Variants in DST observed in about 807,000 individuals in gnomAD.
DST encodes the protein bullous pemphigoid antigen.
A neutral mutation model predicts 875.2 loss-of-function variants in DST; 253 were observed. The observed-to-expected ratio is 0.29, with a 90% confidence interval of 0.26 to 0.32. DST has a LOEUF of 0.32. DST is among the 10% of genes least tolerant of loss of function. The pLI, the probability that DST is intolerant of heterozygous loss-of-function variation, is 1.00. For missense variants in DST, 8,287 were observed against 9,111.6 expected (o/e 0.91, Z 3.68); for synonymous variants, 3,124 against 3,197.1 (o/e 0.98, Z 0.77).
chr6:56,774,730 C>T (rs758899113), intron 4 of DST, among the ~76,000 whole-genome samples: 12 of 152,176 alleles, frequency 7.9e-5, no homozygotes, highest in South Asian at 2.1e-4. Context: ...TGATGGCTCA[C>T]GCCTCTAATC....
rs571317621 is a variant in DST, at chr6:56,619,924, T to C, written c.4929+4606A>G. On this transcript the variant is annotated intron_variant, in intron 36 of 103. Transcript: ENST00000680361. Reference sequence around the variant, plus strand: ...CAGCCTTTCTATTGGCAGCTGTTAGTTCATCTACCTGCTGTTTGAGTTCTT... The same window carrying C: ...CAGCCTTTCTATTGGCAGCTGTTAGCTCATCTACCTGCTGTTTGAGTTCTT... 8.5e-5 allele frequency: 138 copies of C among 1,614,178 alleles called. No individual in the cohort carries two copies. The South Asian group carries it at 1.4e-3, about 17-fold the overall frequency.
At chr6:56,773,517 C>A (rs1172839231) in intron 4 of DST, among the ~76,000 whole-genome samples, 1 of 151,986 alleles carries the variant, frequency 6.6e-6, no homozygotes, top group Non-Finnish European at 1.5e-5. Context: ...CAGGCAATGT[C>A]AAGTGGACTA....
chr6:56,814,738 G>A (rs2099764618), intron 4 of DST, among the ~76,000 whole-genome samples: 1 of 152,074 alleles, frequency 6.6e-6, no homozygotes, highest in African/African-American at 2.4e-5. Flanking sequence ...AGACTCCAAA[G>A]GTAACTCTAG....
At chr6:56,748,844 C>T (rs2099579621) in intron 4 of DST, among the ~76,000 whole-genome samples, 1 of 152,208 alleles carries the variant, frequency 6.6e-6, no homozygotes, top group Non-Finnish European at 1.5e-5. Context: ...CAAACCCATA[C>T]AGTCTCCAAC....
rs2096867211 is a variant in DST, at chr6:56,529,968, T to C, written c.17268+6A>G. ...GAACCTCGCTAATGTGTGATTTATA[T>C]CTTACTTTGTGCTGTGCAATTTGTT... On this transcript the variant is annotated splice_donor_region_variant and intron_variant, in intron 65 of 103. Coordinates refer to ENST00000680361, the MANE Select transcript of DST (RefSeq NM_001374736.1). The C allele has an allele frequency of 1.9e-6, 3 of 1,612,686 alleles. No individual in the cohort carries two copies. Among genetic ancestry groups the C allele is most frequent in the Non-Finnish European group, 2.5e-6 (3 of 1,179,414 alleles).
chr6:56,757,149 G>A (rs2099606123), intron 4 of DST, among the ~76,000 whole-genome samples: 5 of 152,214 alleles, frequency 3.3e-5, no homozygotes, highest in Non-Finnish European at 4.4e-5. Context: ...TTAAACAACT[G>A]AGAAACAGTG....
chr6:56,719,245 T>C (rs753827276), intron 5 of DST, among the ~76,000 whole-genome samples: 2 of 152,202 alleles, frequency 1.3e-5, no homozygotes, highest in Non-Finnish European at 1.5e-5. Flanking sequence ...TGAAATACTC[T>C]TAAAGGGATG....
At chr6:56,900,687 G>A in intron 2 of DST, 66 bp from the exon 3 acceptor site, 1 of 1,224,978 alleles carries the variant, frequency 8.2e-7, no homozygotes, top group Non-Finnish European at 1.1e-6. Context: ...GTTCTCCATG[G>A]CTAGTTATAC....
chr6:56,529,046 A>G (rs927764534), intron 66 of DST, 121 bp from the exon 67 acceptor site: 5 of 716,238 alleles, frequency 7.0e-6, no homozygotes, highest in Non-Finnish European at 9.6e-6. Context: ...AATATCTCAC[A>G]TTTTCAAATG....
At chr6:56,783,708 C>T (rs1311969981) in intron 4 of DST, among the ~76,000 whole-genome samples, 1 of 152,048 alleles carries the variant, frequency 6.6e-6, no homozygotes, top group Non-Finnish European at 1.5e-5. Context: ...TTAATTGGAG[C>T]ATTTAGTCCA....
In DST at chr6:56,703,716, G is replaced by A. The variant is rs980971287; in HGVS notation, c.808C>T (p.Arg270Ter). 4.1e-6 allele frequency: 4 copies of A among 984,974 alleles called. No individual in the cohort carries two copies. The highest frequency in any genetic ancestry group is 3.5e-5 in the African/African-American group (2 of 57,156). The allele number at this position is 984,974 out of a possible 1,614,324, so 61.0% of individuals were successfully genotyped here. A position where few individuals can be genotyped will look rare whatever the true frequency, so the allele number is the denominator to read the frequency against. ...PRERDFLKTL[R>*]LVSATEACEY... ...CATGCTTCTGTTGCACTCACCAATC[G>A]TAAGGTCTTCAAAAAATCTCGCTCC... The change falls in exon 7 of 104, where the codon CGA (arginine) becomes TGA (stop). Residue 270 changes from arginine (R) to a stop codon, truncating the protein, a stop_gained. Transcript: ENST00000680361. LOFTEE classifies it high-confidence loss of function.
chr6:56,735,413 T>C, intron 4 of DST, 124 bp from the exon 5 acceptor site: 1 of 685,468 alleles, frequency 1.5e-6, no homozygotes, highest in Non-Finnish European at 2.4e-6. Flanking sequence ...TCAAAGTTTC[T>C]TGTTAAATTT....
At chr6:56,535,090 T>A in intron 63 of DST, 32 bp downstream of exon 63, 1 of 1,605,264 alleles carries the variant, frequency 6.2e-7, no homozygotes, top group Non-Finnish European at 8.5e-7. Context: ...AGATTTAATA[T>A]GAAACGCAAT....
At chr6:56,595,507 T>G (rs74755421) in intron 47 of DST, among the ~76,000 whole-genome samples, 11,318 of 152,210 alleles carry the variant, frequency 0.074, 1,332 homozygotes, top group African/African-American at 0.25. Flanking sequence ...GCTCACTGTG[T>G]AATCCCAAGT....
intron 3 of DST, among the ~76,000 whole-genome samples, chr6:56,897,160 C>T (rs72881050): frequency 0.051 from 7,680 of 152,042 alleles, 247 homozygotes; most frequent in Non-Finnish European, 0.076. Flanking sequence ...AGATGAGGAT[C>T]GGTTTCATTC....
chr6:56,827,103 T>C (rs375542033), intron 4 of DST, among the ~76,000 whole-genome samples: 3 of 152,200 alleles, frequency 2.0e-5, no homozygotes, highest in Admixed American at 6.5e-5. Flanking sequence ...GCCTGTGCTA[T>C]AGAAATTCAC....
At chr6:56,793,539 G>C (rs960448661) in intron 4 of DST, among the ~76,000 whole-genome samples, 1 of 152,068 alleles carries the variant, frequency 6.6e-6, no homozygotes, top group Non-Finnish European at 1.5e-5. Flanking sequence ...TAACAAAAGA[G>C]GTCCTAAGAC....
At chr6:56,874,142 G>C (rs1462058494) in intron 3 of DST, among the ~76,000 whole-genome samples, 1 of 151,924 alleles carries the variant, frequency 6.6e-6, no homozygotes, top group Non-Finnish European at 1.5e-5. Context: ...AAAAAACCAT[G>C]TACCCCATAA....
intron 78 of DST, among the ~76,000 whole-genome samples, chr6:56,502,897 C>T (rs1263972363): frequency 1.3e-5 from 2 of 152,032 alleles, no homozygotes; most frequent in Non-Finnish European, 2.9e-5. Context: ...GATGTCTCTG[C>T]ATATGGAGAG....
Sources: allele counts gnomAD v4.1 joint callset (sites outside exome capture counted in the v4.1 genomes callset), GRCh38; gene constraint gnomAD v4.1.1; transcripts MANE v1.5; gene names NCBI Gene and HGNC (gene_info 2026-07-23, HGNC 2026-07-21).